The following DIPK1A variants were observed in gnomAD, a reference collection of about 807,000 sequenced individuals.
DIPK1A encodes divergent protein kinase domain 1A.
A neutral mutation model predicts 40.8 loss-of-function variants in DIPK1A; 27 were observed. The ratio of observed to expected loss-of-function variants is 0.66; its 90% CI spans 0.49 to 0.91. DIPK1A has a LOEUF of 0.91. DIPK1A is among the 40% of genes least tolerant of loss of function. The probability of loss-of-function intolerance (pLI) is 0.00; values close to 1 mark genes in which losing one functional copy is unlikely to be tolerated. For synonymous variants in DIPK1A, 166 were observed against 171.3 expected (o/e 0.97, Z 0.24); for missense variants, 412 against 505.7 (o/e 0.81, Z 1.78).
chr1:92,882,385 T>C (rs1468966281), intron 1 of DIPK1A, among the ~76,000 whole-genome samples: 1 of 152,100 alleles, frequency 6.6e-6, no homozygotes. Flanking sequence ...CAAAACTCCG[T>C]CTCAAAAAAA....
At chr1:92,946,308 C>T (rs1312791115) in intron 1 of DIPK1A, among the ~76,000 whole-genome samples, 1 of 151,882 alleles carries the variant, frequency 6.6e-6, no homozygotes, top group Non-Finnish European at 1.5e-5. Flanking sequence ...TATATGGAGA[C>T]TTGGTTGTAT....
chr1:92,877,711 C>T (rs1648189688), intron 1 of DIPK1A, among the ~76,000 whole-genome samples: 2 of 152,044 alleles, frequency 1.3e-5, no homozygotes. Context: ...TTTTGTATTG[C>T]TCTAAGTAAA....
At chr1:92,871,556 T>C (rs925505213) in intron 2 of DIPK1A, among the ~76,000 whole-genome samples, 1 of 152,218 alleles carries the variant, frequency 6.6e-6, no homozygotes, top group Admixed American at 6.5e-5. Context: ...AATAATAATA[T>C]GCATCCTTGA....
intron 1 of DIPK1A, among the ~76,000 whole-genome samples, chr1:92,958,454 T>C (rs1223191756): frequency 6.6e-6 from 1 of 152,204 alleles, no homozygotes; most frequent in African/African-American, 2.4e-5. Context: ...TATACAAAGC[T>C]GGTCTCTGCA....
intron 1 of DIPK1A, among the ~76,000 whole-genome samples, chr1:92,922,532 A>T (rs1650310513): frequency 6.6e-6 from 1 of 152,198 alleles, no homozygotes; most frequent in South Asian, 2.1e-4. Context: ...ACATTTCTGC[A>T]GACTCATCCA....
chr1:92,876,255 T>C, intron 2 of DIPK1A, 41 bp downstream of exon 2: 1 of 1,330,592 alleles, frequency 7.5e-7, no homozygotes, highest in East Asian at 2.6e-5. Context: ...TATAGTGTTA[T>C]GAAGAGGCTT....
At chr1:92,957,038 G>A (rs961461956) in intron 1 of DIPK1A, among the ~76,000 whole-genome samples, 3 of 152,206 alleles carry the variant, frequency 2.0e-5, no homozygotes, top group Non-Finnish European at 2.9e-5. Flanking sequence ...TCTAAGTACA[G>A]AGAATTATGC....
chr1:92,858,200 A>T (rs1293676848), intron 2 of DIPK1A, among the ~76,000 whole-genome samples: 1 of 152,212 alleles, frequency 6.6e-6, no homozygotes, highest in East Asian at 1.9e-4. Flanking sequence ...GGGCTCCTGA[A>T]TCTTAAGAAA....
intron 1 of DIPK1A, among the ~76,000 whole-genome samples, chr1:92,935,815 G>T (rs753653397): frequency 6.6e-6 from 1 of 152,102 alleles, no homozygotes; most frequent in Non-Finnish European, 1.5e-5. Flanking sequence ...GGGCATGGTG[G>T]CTCATGTCTG....
At chr1:92,835,641 CAA>C (rs925747317) in intron 4 of DIPK1A, among the ~76,000 whole-genome samples, 1 of 107,242 alleles carries the variant, frequency 9.3e-6, no homozygotes, top group African/African-American at 3.7e-5. Flanking sequence ...GCCTGGGCAA[CAA>C]GAGCGAAACT....
At chr1:92,890,034 A>G (rs1187002409) in intron 1 of DIPK1A, among the ~76,000 whole-genome samples, 3 of 151,964 alleles carry the variant, frequency 2.0e-5, no homozygotes, top group African/African-American at 7.3e-5. Flanking sequence ...CATCTCCTTA[A>G]ATTTATTCCT....
At chr1:92,895,558 G>C (rs570970371) in intron 1 of DIPK1A, among the ~76,000 whole-genome samples, 1 of 152,112 alleles carries the variant, frequency 6.6e-6, no homozygotes, top group African/African-American at 2.4e-5. Context: ...ATACTCAATG[G>C]GCAAAAATTG....
intron 2 of DIPK1A, among the ~76,000 whole-genome samples, chr1:92,873,062 C>T (rs1647949461): frequency 6.6e-6 from 1 of 152,122 alleles, no homozygotes; most frequent in African/African-American, 2.4e-5. Context: ...CTGCCCATGC[C>T]CAGAATCAGC....
chr1:92,852,008 G>A (rs139178992), intron 2 of DIPK1A, among the ~76,000 whole-genome samples: 66 of 152,294 alleles, frequency 4.3e-4, no homozygotes, highest in Non-Finnish European at 7.3e-4. Flanking sequence ...GATGAACTAC[G>A]GTTGGGAGAG....
At chr1:92,901,014 A>G (rs1170551645) in intron 1 of DIPK1A, among the ~76,000 whole-genome samples, 2 of 152,116 alleles carry the variant, frequency 1.3e-5, no homozygotes, top group Non-Finnish European at 2.9e-5. Context: ...GATTAGGAAG[A>G]GTACAATGAC....
At chr1:92,917,438 C>T (rs183406505) in intron 1 of DIPK1A, among the ~76,000 whole-genome samples, 1 of 152,116 alleles carries the variant, frequency 6.6e-6, no homozygotes, top group Admixed American at 6.5e-5. Flanking sequence ...TTTAATAGAC[C>T]TGAAATGGTA....
intron 1 of DIPK1A, among the ~76,000 whole-genome samples, chr1:92,911,896 T>A (rs1167531648): frequency 6.7e-6 from 1 of 149,254 alleles, no homozygotes; most frequent in Admixed American, 6.8e-5. Context: ...CCCAGCTACT[T>A]GGGAGGCTAA....
intron 4 of DIPK1A, among the ~76,000 whole-genome samples, chr1:92,846,805 A>ATGTGTG (rs1687618953): frequency 4.2e-4 from 1 of 2,392 alleles, no homozygotes; most frequent in Non-Finnish European, 5.4e-4. Context: ...ATATATATAT[A>ATGTGTG]TATATATATA....
intron 2 of DIPK1A, 108 bp downstream of exon 2, chr1:92,876,188 A>C (rs560994420): frequency 1.4e-6 from 1 of 704,116 alleles, no homozygotes; most frequent in African/African-American, 1.9e-5. Flanking sequence ...GCACAATTCT[A>C]ATGTCAAATT....
Sources: gnomAD v4.1 joint callset for allele counts (sites outside exome capture counted in the v4.1 genomes callset) on GRCh38, gnomAD v4.1.1 for gene constraint, MANE v1.5 for transcripts, NCBI Gene and HGNC (gene_info 2026-07-23, HGNC 2026-07-21) for gene names.